Variants in RUNDC3B observed in about 807,000 individuals in gnomAD.
RUNDC3B encodes the protein RUN domain containing 3B.
In RUNDC3B, 33 loss-of-function variants were observed where a neutral mutation model predicts 58.4. The observed-to-expected ratio is 0.56, with a 90% CI of 0.43 to 0.75. RUNDC3B has a LOEUF of 0.75. Ranked by LOEUF, RUNDC3B falls within the 30% of genes least tolerant of loss-of-function variation. The probability of loss-of-function intolerance (pLI) is 0.00; values close to 1 mark genes in which losing one functional copy is unlikely to be tolerated. For missense variants in RUNDC3B, 501 were observed against 535.7 expected, an observed-to-expected ratio of 0.94 and a Z score of 0.64; for synonymous variants, 193 against 195.2, an observed-to-expected ratio of 0.99 and a Z score of 0.10.
chr7:87,820,909 TATGACAAACCCAC>T (rs1218915701), intron 10 of RUNDC3B, among the ~76,000 whole-genome samples: 1 of 151,986 alleles, frequency 6.6e-6, no homozygotes, highest in Non-Finnish European at 1.5e-5. Context: ...AAGAGCTATC[TATGACAAACCCAC>T]AGCCAATATC....
chr7:87,823,270 C>G (rs943624287), intron 10 of RUNDC3B, among the ~76,000 whole-genome samples: 4 of 152,008 alleles, frequency 2.6e-5, no homozygotes, highest in Admixed American at 6.6e-5. Flanking sequence ...GATTGAACCC[C>G]AACAGGTACT....
At chr7:87,658,585 C>T (rs1390820826) in intron 2 of RUNDC3B, among the ~76,000 whole-genome samples, 2 of 152,094 alleles carry the variant, frequency 1.3e-5, no homozygotes, top group East Asian at 1.9e-4. Context: ...GCCAAAGGCA[C>T]GATAATTAAA....
chr7:87,661,813 A>G (rs1824743179), intron 2 of RUNDC3B, among the ~76,000 whole-genome samples: 1 of 151,906 alleles, frequency 6.6e-6, no homozygotes, highest in Admixed American at 6.6e-5. Context: ...TTTAAGTTTT[A>G]TGAGAAACCC....
chr7:87,822,891 G>T (rs1238756576), intron 10 of RUNDC3B, among the ~76,000 whole-genome samples: 1 of 152,082 alleles, frequency 6.6e-6, no homozygotes, highest in Non-Finnish European at 1.5e-5. Context: ...ACTGTTGTGG[G>T]GTAGGGGTAG....
At chr7:87,727,879 A>T (rs1831333767) in intron 4 of RUNDC3B, among the ~76,000 whole-genome samples, 3 of 152,278 alleles carry the variant, frequency 2.0e-5, no homozygotes, top group Admixed American at 6.5e-5. Flanking sequence ...TAAGCTTCCT[A>T]GGAAAAATTA....
chr7:87,746,686 CTTTAAG>C (rs1349636830), intron 6 of RUNDC3B, among the ~76,000 whole-genome samples: 1 of 152,114 alleles, frequency 6.6e-6, no homozygotes, highest in Non-Finnish European at 1.5e-5. Flanking sequence ...CACCCCTTTA[CTTTAAG>C]TTTATGTGAG....
Position 87,645,023 on chromosome 7 carries a change from A to G in RUNDC3B, c.123-5799A>G, listed in dbSNP as rs550135436. ...TTCTCTTGCTATGATGACAAAGGGA[A>G]AAAGGTAGTCCATGCTTTCTTAAGT... On this transcript the variant is annotated intron_variant, in intron 1 of 10. Coordinates refer to ENST00000394654, the MANE Select transcript of RUNDC3B (RefSeq NM_001134405.2). 1.3e-5 allele frequency among the ~76,000 whole-genome samples: 2 copies of G among 151,960 alleles called. 1 individual carries two copies. The highest frequency in any genetic ancestry group is 4.8e-5 in the African/African-American group (2 of 41,512).
chr7:87,753,694 T>G (rs1044759985), intron 6 of RUNDC3B, among the ~76,000 whole-genome samples: 30 of 152,306 alleles, frequency 2.0e-4, no homozygotes, highest in African/African-American at 7.2e-4. Context: ...CTGAAAACTT[T>G]GAAGTCATCC....
intron 6 of RUNDC3B, among the ~76,000 whole-genome samples, chr7:87,756,060 G>A (rs112081273): frequency 1.6e-4 from 25 of 152,162 alleles, no homozygotes; most frequent in African/African-American, 6.0e-4. Flanking sequence ...GCGGGGCAGG[G>A]CAGGGCAGGA....
rs185111470 is a variant in RUNDC3B at position 87,688,417 on chromosome 7, C to T, written c.239-12004C>T. On this transcript the variant is annotated intron_variant, in intron 2 of 10. Coordinates refer to ENST00000394654, the MANE Select transcript of RUNDC3B (RefSeq NM_001134405.2). ...ACACATAATCTTATGTTAATTTATA[C>T]GTATTTAGAAATGAAATTGAATATA... Among the ~76,000 whole-genome samples, 119 of 151,186 alleles carry T rather than the reference C, an allele frequency of 7.9e-4. 2 individuals carry two copies. Among genetic ancestry groups the T allele is most frequent in the Admixed American group, 7.0e-3 (106 of 15,176 alleles).
intron 4 of RUNDC3B, among the ~76,000 whole-genome samples, chr7:87,711,992 A>G (rs1235769492): frequency 6.6e-6 from 1 of 152,186 alleles, no homozygotes; most frequent in Non-Finnish European, 1.5e-5. Flanking sequence ...AGGGTTTGAC[A>G]TTCTGGATTT....
At chr7:87,764,474 T>C (rs181235162) in intron 6 of RUNDC3B, among the ~76,000 whole-genome samples, 1 of 151,926 alleles carries the variant, frequency 6.6e-6, no homozygotes, top group East Asian at 1.9e-4. Context: ...ATATATTGCT[T>C]AATGGTGAGC....
chr7:87,670,326 A>G (rs1206319330), intron 2 of RUNDC3B, among the ~76,000 whole-genome samples: 2 of 152,146 alleles, frequency 1.3e-5, no homozygotes, highest in Admixed American at 6.5e-5. Context: ...TGTCAGACCC[A>G]TTGGGTTCTG....
intron 1 of RUNDC3B, among the ~76,000 whole-genome samples, chr7:87,644,657 AT>A (rs942032754): frequency 1.3e-5 from 2 of 151,854 alleles, no homozygotes; most frequent in Admixed American, 1.3e-4. Flanking sequence ...TTATTTGAAC[AT>A]TTTTTTTCCT....
chr7:87,706,807 A>C (rs575041728), intron 3 of RUNDC3B, among the ~76,000 whole-genome samples: 2 of 152,300 alleles, frequency 1.3e-5, no homozygotes, highest in East Asian at 3.9e-4. Flanking sequence ...CAGTTTTCCT[A>C]TGGGGTTGTT....
At chr7:87,818,055 T>A (rs1005225445) in intron 10 of RUNDC3B, among the ~76,000 whole-genome samples, 2 of 152,188 alleles carry the variant, frequency 1.3e-5, no homozygotes, top group Non-Finnish European at 2.9e-5. Flanking sequence ...GTACTTTTTT[T>A]ATAAATCCAA....
chr7:87,633,070 T>G (rs4148729), intron 1 of RUNDC3B, among the ~76,000 whole-genome samples: 7,342 of 152,276 alleles, frequency 0.048, 259 homozygotes, highest in East Asian at 0.09. Context: ...TGATATTATT[T>G]CAGAACTTGA....
intron 2 of RUNDC3B, among the ~76,000 whole-genome samples, chr7:87,652,963 C>T (rs1823733968): frequency 6.6e-6 from 1 of 151,938 alleles, no homozygotes; most frequent in Admixed American, 6.6e-5. Context: ...CAACATTAAA[C>T]TTTTCCAGAG....
In RUNDC3B at chr7:87,807,419, G is replaced by A; in HGVS notation, c.1003G>A (p.Ala335Thr). 6.2e-7 allele frequency: 1 copy of A among 1,613,686 alleles called. No individual in the cohort carries two copies. The highest frequency in any genetic ancestry group is 8.5e-7 in the Non-Finnish European group (1 of 1,179,662). Residue 335 changes from alanine (A) to threonine (T), a missense_variant, in exon 9 of 11, where the codon GCC (alanine) becomes ACC (threonine). Ala to Thr is a moderately conservative substitution (Grantham distance 58). Transcript: ENST00000394654. ...TTTAAGATCGAGACAAGAGTTAACT[G>A]CCCATCTCACCAACCAGTGGCCTTC... ...NDLRSRQELT[A>T]HLTNQWPSPG...
Sources: gnomAD v4.1 joint callset for allele counts (sites outside exome capture counted in the v4.1 genomes callset) on GRCh38, gnomAD v4.1.1 for gene constraint, MANE v1.5 for transcripts, NCBI Gene and HGNC (gene_info 2026-07-23, HGNC 2026-07-21) for gene names.